Variants in CHRDL1 observed in about 807,000 individuals in gnomAD.
The protein encoded by CHRDL1 is chordin-like protein 1.
CHRDL1 carries 19 observed loss-of-function variants against 40.9 expected under a neutral mutation model. The observed-to-expected ratio is 0.46, with a 90% CI of 0.32 to 0.68. CHRDL1 has a LOEUF of 0.68. Among genes scored for constraint, CHRDL1 ranks in the 30% least tolerant of loss-of-function variants. The pLI is 0.03. For synonymous variants in CHRDL1, 136 were observed against 123.4 expected, an observed-to-expected ratio of 1.10 and a Z score of -0.68; for missense variants, 329 against 352.1, an observed-to-expected ratio of 0.93 and a Z score of 0.53.
intron 4 of CHRDL1, among the ~76,000 whole-genome samples, chrX:110,727,596 T>C (rs1231266621): frequency 1.8e-5 from 2 of 111,938 alleles, no homozygotes; most frequent in African/African-American, 3.2e-5. Context: ...TTGACAGAAA[T>C]GGAACTACAA....
intron 2 of CHRDL1, among the ~76,000 whole-genome samples, chrX:110,786,713 G>A (rs775012917): frequency 5.3e-5 from 6 of 112,355 alleles, no homozygotes; most frequent in Non-Finnish European, 1.1e-4. Context: ...AATATAAGAA[G>A]CATAGACATA....
intron 4 of CHRDL1, 75 bp from the exon 5 acceptor site, chrX:110,721,605 CG>C: frequency 1.2e-6 from 1 of 855,622 alleles, no homozygotes; most frequent in Non-Finnish European, 1.7e-6. Flanking sequence ...CAACAGCAGA[CG>C]GGGCTGTACT....
chrX:110,693,596 C>T (rs1336945301), intron 8 of CHRDL1, among the ~76,000 whole-genome samples: 1 of 110,747 alleles, frequency 9.0e-6, no homozygotes, highest in Non-Finnish European at 1.9e-5. Context: ...CTCGAGTGAT[C>T]CTCCTGCCTC....
At chrX:110,725,106 T>C (rs1298170903) in intron 4 of CHRDL1, among the ~76,000 whole-genome samples, 1 of 111,658 alleles carries the variant, frequency 9.0e-6, no homozygotes, top group African/African-American at 3.3e-5. Context: ...CACCTAGCAC[T>C]AAGAGGAGGA....
chrX:110,743,947 C>T (rs1307259708), intron 4 of CHRDL1, among the ~76,000 whole-genome samples: 1 of 111,178 alleles, frequency 9.0e-6, no homozygotes, highest in Admixed American at 9.5e-5. Flanking sequence ...GTGCCTCTGA[C>T]TCAGAGGAGG....
chrX:110,733,325 G>A (rs1040434599), intron 4 of CHRDL1, among the ~76,000 whole-genome samples: 6 of 111,163 alleles, frequency 5.4e-5, no homozygotes, highest in African/African-American at 2.0e-4. Flanking sequence ...TATCCCCTGA[G>A]GATGTGCCAC....
chrX:110,705,784 T>A (rs3005574), intron 6 of CHRDL1, among the ~76,000 whole-genome samples: 1 of 108,108 alleles, frequency 9.3e-6, no homozygotes, highest in Non-Finnish European at 1.9e-5. Context: ...CACACATATA[T>A]GTATATATAC....
intron 2 of CHRDL1, among the ~76,000 whole-genome samples, chrX:110,779,233 T>C (rs767291793): frequency 1.2e-3 from 128 of 111,211 alleles, no homozygotes; most frequent in African/African-American, 4.0e-3. Context: ...CCTGCACATG[T>C]ATCCCTGAAC....
intron 6 of CHRDL1, among the ~76,000 whole-genome samples, chrX:110,715,318 A>G (rs949982580): frequency 4.5e-5 from 5 of 111,762 alleles, no homozygotes; most frequent in Admixed American, 9.5e-5. Context: ...ACATTTTAAA[A>G]AGGCAAAACT....
At chrX:110,685,886 ATTTT>A (rs72389100) in intron 9 of CHRDL1, among the ~76,000 whole-genome samples, 33,711 of 82,361 alleles carry the variant, frequency 0.41, 6,570 homozygotes, top group African/African-American at 0.61. Flanking sequence ...TTTTTAGCCA[ATTTT>A]TTTTTTTTTT....
chrX:110,769,111 C>T (rs1329067982), intron 2 of CHRDL1, among the ~76,000 whole-genome samples: 1 of 111,955 alleles, frequency 8.9e-6, no homozygotes, highest in Non-Finnish European at 1.9e-5. Context: ...ATTCTTTACT[C>T]TCTATTCATC....
At position 110,688,807 on chromosome X, in the gene CHRDL1, A is replaced by T. The variant is rs766716441; in HGVS notation, c.779-4T>A. The T allele has an allele frequency of 1.7e-6, 2 of 1,188,987 alleles. No individual in the cohort carries two copies. The highest frequency in any genetic ancestry group is 2.3e-6 in the Non-Finnish European group (2 of 876,437). On this transcript the variant is annotated splice_region_variant and splice_polypyrimidine_tract_variant and intron_variant, in intron 8 of 11. Transcript: ENST00000372042. ...GTCTTTCCATTGGAAACACACACTG[A>T]AAGAGAATGCAGAATTAGCAATTAA... is the stretch of plus-strand genomic sequence containing the variant.
chrX:110,697,295 T>C (rs1430382634), intron 7 of CHRDL1, among the ~76,000 whole-genome samples: 1 of 109,821 alleles, frequency 9.1e-6, no homozygotes, highest in Non-Finnish European at 1.9e-5. Flanking sequence ...ATAAGAGTTT[T>C]ATTGGTGTAG....
chrX:110,752,308 T>C (rs771727903), intron 4 of CHRDL1, among the ~76,000 whole-genome samples: 155 of 112,530 alleles, frequency 1.4e-3, no homozygotes, highest in Non-Finnish European at 2.6e-3. Flanking sequence ...GACTTCGTGA[T>C]CTGCCTGCCT....
chrX:110,679,143 C>T lies in CHRDL1; in HGVS notation c.1246+193G>A, dbSNP rs147469833. On this transcript the variant is annotated intron_variant, in intron 11 of 11. Transcript: ENST00000372042. The stretch of plus-strand genomic sequence containing the variant: ...ACATCTGGGTTTGTATTCACCATGT[C>T]CAAGCTCTTCAGATTACATTCAGAC... Among the ~76,000 whole-genome samples the T allele has an allele frequency of 3.6e-3, 405 of 111,879 alleles. 2 individuals are homozygous for T. The highest frequency in any genetic ancestry group is 0.023 in the Middle Eastern group (5 of 217).
At chrX:110,773,723 CAAAAA>C (rs1171179610) in intron 2 of CHRDL1, among the ~76,000 whole-genome samples, 1 of 35,352 alleles carries the variant, frequency 2.8e-5, no homozygotes. Context: ...GAGACTGCCT[CAAAAA>C]AAAAAAAAAA....
chrX:110,713,136 T>G (rs197033), intron 6 of CHRDL1, among the ~76,000 whole-genome samples: 8,771 of 110,877 alleles, frequency 0.079, 861 homozygotes, highest in African/African-American at 0.28. Flanking sequence ...CTCAGAAGTC[T>G]TCCTTCACCT....
intron 8 of CHRDL1, among the ~76,000 whole-genome samples, chrX:110,692,831 T>C (rs1478811677): frequency 3.6e-5 from 4 of 112,492 alleles, no homozygotes; most frequent in African/African-American, 1.3e-4. Context: ...ATCTGAAATA[T>C]ACATCTAACT....
chrX:110,690,038 T>G (rs1471154318), intron 8 of CHRDL1, among the ~76,000 whole-genome samples: 1 of 60,253 alleles, frequency 1.7e-5, no homozygotes, highest in Non-Finnish European at 2.7e-5. Context: ...TCTATATATA[T>G]CTATATATAT....
Sources: allele counts gnomAD v4.1 joint callset (sites outside exome capture counted in the v4.1 genomes callset), GRCh38; gene constraint gnomAD v4.1.1; transcripts MANE v1.5; gene names NCBI Gene and HGNC (gene_info 2026-07-23, HGNC 2026-07-21).